Variants in PIK3R1 observed in about 807,000 individuals in gnomAD.
PIK3R1 encodes the protein phosphatidylinositol 3-kinase regulatory subunit alpha.
Under a neutral mutation model 98.0 loss-of-function variants are expected in PIK3R1, and 29 were observed. That is an observed-to-expected ratio of 0.30 (90% CI 0.22 to 0.40). The LOEUF is 0.40. Among genes scored for constraint, PIK3R1 ranks in the 10% least tolerant of loss-of-function variants. The pLI is 1.00. For synonymous variants in PIK3R1, 282 were observed against 311.8 expected (o/e 0.90, Z 1.01); for missense variants, 596 against 872.7 (o/e 0.68, Z 3.99).
intron 8 of PIK3R1, 80 bp from the exon 9 acceptor site, chr5:68,293,020 TA>T: frequency 8.3e-7 from 1 of 1,204,024 alleles, no homozygotes; most frequent in Non-Finnish European, 1.2e-6. Context: ...AAAACTGCTC[TA>T]AAAAATAGCC....
chr5:68,251,413 T>A (rs1006638689), intron 2 of PIK3R1, among the ~76,000 whole-genome samples: 1 of 151,866 alleles, frequency 6.6e-6, no homozygotes. Flanking sequence ...GTTCCTTTTT[T>A]AAAAAAATAA....
At position 68,299,483 on chromosome 5, in the gene PIK3R1, T is replaced by G. The variant is rs900649607; in HGVS notation, c.*1882T>G. 4.3e-6 allele frequency: 1 copy of G among 233,308 alleles called. No individual in the cohort carries two copies. Among genetic ancestry groups the G allele is most frequent in the Middle Eastern group, 1.3e-3 (1 of 786 alleles). The allele number at this position is 233,308 out of a possible 1,614,324, so 14.5% of individuals were successfully genotyped here. On this transcript the variant is annotated 3_prime_UTR_variant, in exon 16 of 16. Coordinates refer to ENST00000521381, the MANE Select transcript of PIK3R1 (RefSeq NM_181523.3). ...TCATGTTTCCCATTTAGGGCAGGAGTGAGAGGTCTCTCTTCCTGATTTAGA... is the reference window on the plus strand; with the variant it reads ...TCATGTTTCCCATTTAGGGCAGGAGGGAGAGGTCTCTCTTCCTGATTTAGA...
Position 68,293,781 on chromosome 5 carries a change from GA to G in PIK3R1, c.1378del (p.Ser460ValfsTer20). On this transcript the variant is annotated frameshift_variant, in exon 11 of 16. Coordinates refer to ENST00000521381, the MANE Select transcript of PIK3R1 (RefSeq NM_181523.3). LOFTEE classifies it high-confidence loss of function. The stretch of plus-strand genomic sequence containing the variant: ...ACATGAATATAACACTCAGTTTCAA[GA>G]AAAAAGTCGAGAATATGATAGATTA... ...KLHEYNTQFQ[E>X]KSREYDRLYE... The G allele has an allele frequency of 6.3e-7, 1 of 1,577,646 alleles. No individual in the cohort carries two copies. The highest frequency in any genetic ancestry group is 8.6e-7 in the Non-Finnish European group (1 of 1,156,230).
At chr5:68,262,959 A>G (rs1379372675) in intron 2 of PIK3R1, among the ~76,000 whole-genome samples, 1 of 74,590 alleles carries the variant, frequency 1.3e-5, no homozygotes, top group East Asian at 4.9e-4. Context: ...ACATGTAGAT[A>G]CATGTATACA....
At chr5:68,287,828 A>G (rs1747140967) in intron 7 of PIK3R1, among the ~76,000 whole-genome samples, 1 of 151,936 alleles carries the variant, frequency 6.6e-6, no homozygotes, top group African/African-American at 2.4e-5. Flanking sequence ...GAATCGTCAC[A>G]TGATCATGGA....
At chr5:68,297,175 A>G (rs1035638852) in intron 15 of PIK3R1, among the ~76,000 whole-genome samples, 1 of 152,150 alleles carries the variant, frequency 6.6e-6, no homozygotes, top group African/African-American at 2.4e-5. Flanking sequence ...TCTCAAAGTA[A>G]CTGTATTACA....
intron 10 of PIK3R1, 107 bp downstream of exon 10, chr5:68,293,590 A>C: frequency 8.4e-7 from 1 of 1,187,950 alleles, no homozygotes; most frequent in Non-Finnish European, 1.2e-6. Flanking sequence ...AGTCTAAAAA[A>C]CTTGACACTC....
intron 3 of PIK3R1, 105 bp downstream of exon 3, chr5:68,273,587 C>A: frequency 1.0e-6 from 1 of 971,820 alleles, no homozygotes; most frequent in Non-Finnish European, 1.7e-6. Flanking sequence ...CTACTACCAG[C>A]TATGTCCAGA....
In PIK3R1 at chr5:68,250,824, C is replaced by G. The variant is rs553226165; in HGVS notation, c.335-22566C>G. Among the ~76,000 whole-genome samples the G allele has an allele frequency of 3.3e-5, 5 of 152,290 alleles. No homozygotes were observed. In the East Asian group the frequency reaches 9.7e-4, roughly 29 times the overall value. ...TGTCCTCAGCCCTAAGTTCCTAAAA[C>G]CAGCACTACTTGAGGAGCTTGAATT... is the stretch of plus-strand genomic sequence containing the variant. On this transcript the variant is annotated intron_variant, in intron 2 of 15. Coordinates refer to ENST00000521381, the MANE Select transcript of PIK3R1 (RefSeq NM_181523.3).
chr5:68,299,713 ATGTTGTT>A lies in PIK3R1; in HGVS notation c.*2113_*2119del. 4.3e-6 allele frequency: 1 copy of A among 233,140 alleles called. No individual in the cohort carries two copies. The highest frequency in any genetic ancestry group is 6.0e-5 in the East Asian group (1 of 16,562). The allele number at this position is 233,140 out of a possible 1,614,324, so 14.4% of individuals were successfully genotyped here. ...GGGTTTTCTGTTACTTTGTTTTTTA[ATGTTGTT>A]CCTTTTGAAAGAATCAGTCTTGCAG... On this transcript the variant is annotated 3_prime_UTR_variant, in exon 16 of 16. Transcript: ENST00000521381.
intron 2 of PIK3R1, among the ~76,000 whole-genome samples, chr5:68,261,823 A>G (rs974980616): frequency 5.3e-5 from 8 of 152,222 alleles, no homozygotes; most frequent in African/African-American, 1.9e-4. Context: ...TATAATTCAT[A>G]AAGTTACTGA....
At position 68,290,714 on chromosome 5, in the gene PIK3R1, G is replaced by A. The variant is rs763640076; in HGVS notation, c.917-1545G>A. On this transcript the variant is annotated intron_variant, in intron 7 of 15. Transcript: ENST00000521381. ...TTTCTTATAACTGAGCTCAGCCAAG[G>A]AAACTCTTGCACAAATGTACAATAC... The A allele has an allele frequency of 2.5e-6, 4 of 1,600,736 alleles. No individual in the cohort carries two copies. The South Asian group carries it at 4.6e-5, about 18-fold the overall frequency.
chr5:68,260,537 A>G (rs1019382379), intron 2 of PIK3R1, among the ~76,000 whole-genome samples: 2 of 152,180 alleles, frequency 1.3e-5, no homozygotes, highest in Non-Finnish European at 2.9e-5. Context: ...TGGAAAGACA[A>G]GGGCCCTTGG....
intron 2 of PIK3R1, among the ~76,000 whole-genome samples, chr5:68,260,245 A>G (rs1437218676): frequency 6.6e-6 from 1 of 152,166 alleles, no homozygotes; most frequent in Non-Finnish European, 1.5e-5. Flanking sequence ...TCAGAGGGGA[A>G]TGGATAAACC....
At chr5:68,256,215 C>T (rs149126351) in intron 2 of PIK3R1, among the ~76,000 whole-genome samples, 56 of 152,264 alleles carry the variant, frequency 3.7e-4, no homozygotes, top group African/African-American at 1.1e-3. Context: ...AGTATAAAAA[C>T]ATTTTGTAAT....
chr5:68,230,877 G>A (rs1744439016), intron 2 of PIK3R1, among the ~76,000 whole-genome samples: 1 of 152,148 alleles, frequency 6.6e-6, no homozygotes, highest in Admixed American at 6.5e-5. Flanking sequence ...CCTCTTCCAT[G>A]TTTTGTTTGG....
intron 2 of PIK3R1, among the ~76,000 whole-genome samples, chr5:68,246,317 T>A (rs890880383): frequency 1.3e-5 from 2 of 150,768 alleles, no homozygotes; most frequent in East Asian, 1.9e-4. Flanking sequence ...GTGTATATTT[T>A]TTTTTTTTTT....
At chr5:68,262,279 A>C (rs1188771153) in intron 2 of PIK3R1, among the ~76,000 whole-genome samples, 4 of 151,282 alleles carry the variant, frequency 2.6e-5, no homozygotes, top group African/African-American at 9.7e-5. Flanking sequence ...GCTGACTCTT[A>C]AGCAATTATT....
At chr5:68,231,532 T>TG (rs1319757551) in intron 2 of PIK3R1, among the ~76,000 whole-genome samples, 1 of 152,234 alleles carries the variant, frequency 6.6e-6, no homozygotes, top group East Asian at 1.9e-4. Context: ...TGTCCCTTCA[T>TG]GGTTGTTGTT....
Sources: allele counts gnomAD v4.1 joint callset (sites outside exome capture counted in the v4.1 genomes callset), GRCh38; gene constraint gnomAD v4.1.1; transcripts MANE v1.5; gene names NCBI Gene and HGNC (gene_info 2026-07-23, HGNC 2026-07-21).